The following MTA1 variants were observed in gnomAD, a reference collection of about 807,000 sequenced individuals.
The protein encoded by MTA1 is metastasis-associated protein MTA1.
In MTA1, 15 loss-of-function variants were observed where a neutral mutation model predicts 97.0. The ratio of observed to expected loss-of-function variants is 0.15; its 90% CI spans 0.10 to 0.24. The LOEUF (loss-of-function observed/expected upper bound fraction) is 0.24. MTA1 is among the 10% of genes least tolerant of loss of function. MTA1 has a pLI of 1.00. For synonymous variants in MTA1, 435 were observed against 417.5 expected, an observed-to-expected ratio of 1.04 and a Z score of -0.51; for missense variants, 709 against 1,015.1, an observed-to-expected ratio of 0.70 and a Z score of 4.10.
chr14:105,467,796 A>C (rs1288903376), intron 18 of MTA1: 2 of 275,630 alleles, frequency 7.3e-6, no homozygotes. Context: ...GCGTCCCAGG[A>C]ACAGCCCCAT....
Position 105,445,385 on chromosome 14 carries a change from C to T in MTA1, c.97-33C>T, listed in dbSNP as rs112724776. 16 of 1,603,432 alleles carry T rather than the reference C, an allele frequency of 1.0e-5. No individual in the cohort carries two copies. In the African/African-American group the frequency reaches 1.1e-4, roughly 11 times the overall value. Reference sequence around the variant, plus strand: ...GAGCTGTGCAGCCCGGGTTTGGTCGCGTTTCTCAGACGCCCCTGCCTTGCT... The same window carrying T: ...GAGCTGTGCAGCCCGGGTTTGGTCGTGTTTCTCAGACGCCCCTGCCTTGCT... On this transcript the variant is annotated intron_variant, in intron 2 of 20. Transcript: ENST00000331320.
intron 16 of MTA1, 33 bp downstream of exon 16, chr14:105,465,216 TGCTGCCTGCAG>T: frequency 2.0e-6 from 3 of 1,481,130 alleles, no homozygotes; most frequent in Non-Finnish European, 2.7e-6. Context: ...GGGCTCCCAA[TGCTGCCTGCAG>T]GCAGCTTCTC....
chr14:105,451,277 C>T (rs1447551698), intron 6 of MTA1, among the ~76,000 whole-genome samples: 1 of 152,272 alleles, frequency 6.6e-6, no homozygotes, highest in Non-Finnish European at 1.5e-5. Context: ...CCCATTCCCA[C>T]CACACAGCCT....
chr14:105,442,004 C>T (rs1276035135), intron 2 of MTA1, among the ~76,000 whole-genome samples: 2 of 151,992 alleles, frequency 1.3e-5, no homozygotes, highest in African/African-American at 4.8e-5. Context: ...TTGAGGATAC[C>T]GCACAGAAGA....
In MTA1 at chr14:105,469,883, A is replaced by C; in HGVS notation, c.1888A>C (p.Thr630Pro). 6.2e-7 allele frequency: 1 copy of C among 1,610,992 alleles called. No individual in the cohort carries two copies. The highest frequency in any genetic ancestry group is 1.1e-5 in the South Asian group (1 of 90,786). ...CCTGCTCAACGGGAAGTCCTACCCC[A>C]CCAAAGTGCGCCTGATCCGGGGGGG... is the stretch of plus-strand genomic sequence containing the variant. The part of the protein sequence containing the change: ...NLLLNGKSYP[T>P]KVRLIRGGSL... The change falls in exon 20 of 21, where the codon ACC becomes CCC. Residue 630 changes from threonine (T) to proline (P), a missense_variant. Transcript: ENST00000331320.
At chr14:105,432,673 C>T (rs1042357929) in intron 1 of MTA1, among the ~76,000 whole-genome samples, 7 of 152,192 alleles carry the variant, frequency 4.6e-5, no homozygotes, top group African/African-American at 9.7e-5. Context: ...TTTATGAATT[C>T]ATCTTAAAGT....
At chr14:105,423,215 A>ATTTT (rs1166908446) in intron 1 of MTA1, among the ~76,000 whole-genome samples, 25 of 113,550 alleles carry the variant, frequency 2.2e-4, no homozygotes, top group African/African-American at 6.2e-4. Flanking sequence ...TTTTTGTTTA[A>ATTTT]TTTTTTTTTT....
rs1555431635 is a variant in MTA1 at position 105,463,782 on chromosome 14, C to T, written c.1076+231C>T. 4 of 621,846 alleles carry T rather than the reference C, an allele frequency of 6.4e-6. No individual in the cohort carries two copies. Among genetic ancestry groups the T allele is most frequent in the Non-Finnish European group, 1.1e-5 (4 of 352,896 alleles). The allele number at this position is 621,846 out of a possible 1,614,324, so 38.5% of individuals were successfully genotyped here. A position where few individuals can be genotyped will look rare whatever the true frequency, so the allele number is the denominator to read the frequency against. On this transcript the variant is annotated intron_variant, in intron 12 of 20. Coordinates refer to ENST00000331320, the MANE Select transcript of MTA1 (RefSeq NM_004689.4). The surrounding 1 kb of genome is among the most constrained non-coding windows in gnomAD (Gnocchi z 5.9). The stretch of plus-strand genomic sequence containing the variant: ...GTAAGGGGGCATTGGGATTCCAGCC[C>T]ACACCGCCAGGGTTCAGTCCCTGAG...
chr14:105,426,739 C>T (rs1445022726), intron 1 of MTA1, among the ~76,000 whole-genome samples: 2 of 152,204 alleles, frequency 1.3e-5, no homozygotes, highest in African/African-American at 2.4e-5. Flanking sequence ...TTTGTGGGGA[C>T]AGCAACGGAG....
At chr14:105,445,990 A>C in intron 3 of MTA1, 1 of 286,664 alleles carries the variant, frequency 3.5e-6, no homozygotes, top group Non-Finnish European at 6.8e-6. Context: ...AAGTTTAGTA[A>C]CCTGGCTGGG....
chr14:105,429,543 C>A (rs1555422963), intron 1 of MTA1, among the ~76,000 whole-genome samples: 9 of 151,604 alleles, frequency 5.9e-5, no homozygotes, highest in Non-Finnish European at 5.9e-5. Context: ...GCTCCGCCTC[C>A]CAGGTTCACG....
At position 105,449,381 on chromosome 14, in the gene MTA1, C is replaced by A. The variant is rs1231569296; in HGVS notation, c.213C>A (p.Ala71=). ...TAGCCCTGTCAGTCTGCTATAAGGC[C>A]GGACCGGGGGCGGACAACGGCGAGG... ...KHATLSVCYK[A]GPGADNGEEG... Residue 71 remains alanine (A), a synonymous_variant, in exon 4 of 21, where the codon GCC becomes GCA. Coordinates refer to ENST00000331320, the MANE Select transcript of MTA1 (RefSeq NM_004689.4). 6.2e-7 allele frequency: 1 copy of A among 1,612,466 alleles called. No individual in the cohort carries two copies. Among genetic ancestry groups the A allele is most frequent in the Non-Finnish European group, 8.5e-7 (1 of 1,179,356 alleles).
rs782149547 is a variant in MTA1, at chr14:105,460,401, G to A, written c.697G>A (p.Val233Ile). The change falls in exon 9 of 21, where the codon GTC (valine) becomes ATC (isoleucine). Residue 233 changes from valine (V) to isoleucine (I), a missense_variant. By Grantham distance (29) the Val-to-Ile change is conservative. This residue lies in a region of MTA1 where 321 missense variants were observed against 593.5 expected (regional missense o/e 0.54). Transcript: ENST00000331320. Reference protein sequence around the residue: ...FARALDCSSSVRQPSLHMSAA... With the variant: ...FARALDCSSSIRQPSLHMSAA... ...ACGGGCCCTGGACTGCAGCAGCTCC[G>A]TCCGACAGCCCAGCCTGCACATGAG... is the stretch of plus-strand genomic sequence containing the variant. 32 of 1,611,600 alleles carry A rather than the reference G, an allele frequency of 2.0e-5. No individual in the cohort carries two copies. The highest frequency in any genetic ancestry group is 4.4e-5 in the South Asian group (4 of 90,988).
intron 3 of MTA1, 110 bp from the exon 4 acceptor site, chr14:105,449,249 C>T (rs1419613922): frequency 1.1e-5 from 13 of 1,141,124 alleles, no homozygotes; most frequent in African/African-American, 3.2e-5. Flanking sequence ...CTGCGGCCCC[C>T]GTTCTGCCCT....
At chr14:105,458,518 T>C in intron 8 of MTA1, 146 bp downstream of exon 8, 1 of 713,600 alleles carries the variant, frequency 1.4e-6, no homozygotes, top group Non-Finnish European at 2.4e-6. Flanking sequence ...AGACCCCCGG[T>C]AGCAGTTCCC....
intron 18 of MTA1, chr14:105,467,954 C>T: frequency 3.6e-6 from 1 of 277,466 alleles, no homozygotes; most frequent in Non-Finnish European, 7.2e-6. Context: ...GAGTCCCAGC[C>T]ATGCAGTGCT....
In MTA1 at chr14:105,465,090, G is replaced by A. The variant is rs587672532; in HGVS notation, c.1535-4G>A. ...CACCCCTCACACCGTGTGGTACCCCGCAGGCACGGCGCGGCTGCCCGAAGC... is the reference window on the plus strand; with the variant it reads ...CACCCCTCACACCGTGTGGTACCCCACAGGCACGGCGCGGCTGCCCGAAGC... On this transcript the variant is annotated splice_region_variant and splice_polypyrimidine_tract_variant and intron_variant, in intron 15 of 20. Coordinates refer to ENST00000331320, the MANE Select transcript of MTA1 (RefSeq NM_004689.4). 109 of 1,508,850 alleles carry A rather than the reference G, an allele frequency of 7.2e-5. No individual in the cohort carries two copies. The East Asian group carries it at 1.4e-3, about 20-fold the overall frequency. 93.5% of individuals were successfully genotyped at this position (1,508,850 alleles called of 1,614,324 possible). A position where few individuals can be genotyped will look rare whatever the true frequency, so the allele number is the denominator to read the frequency against.
At chr14:105,449,225 C>A (rs2082827781) in intron 3 of MTA1, 134 bp from the exon 4 acceptor site, 4 of 796,362 alleles carry the variant, frequency 5.0e-6, no homozygotes, top group Non-Finnish European at 5.7e-6. Context: ...GGTCTTCACG[C>A]CCCACCGGGA....
chr14:105,426,847 G>A (rs1418381565), intron 1 of MTA1, among the ~76,000 whole-genome samples: 3 of 152,256 alleles, frequency 2.0e-5, no homozygotes, highest in Non-Finnish European at 2.9e-5. Context: ...TTGGGACGTT[G>A]TCACATGGAG....
Sources: allele counts gnomAD v4.1 joint callset (sites outside exome capture counted in the v4.1 genomes callset), GRCh38; gene constraint gnomAD v4.1.1; regional missense constraint gnomAD v4.1.1; non-coding constraint Gnocchi (gnomAD v3.1); transcripts MANE v1.5; gene names NCBI Gene and HGNC (gene_info 2026-07-23, HGNC 2026-07-21).